The following RIOK3 variants were observed in gnomAD, a reference collection of about 807,000 sequenced individuals.
RIOK3 encodes the protein RIO kinase 3, also known as serine/threonine-protein kinase RIO3.
Under a neutral mutation model 63.5 loss-of-function variants are expected in RIOK3, and 40 were observed. The ratio of observed to expected loss-of-function variants is 0.63; its 90% confidence interval spans 0.49 to 0.82. The LOEUF (loss-of-function observed/expected upper bound fraction) is 0.82, where lower values mean the gene tolerates loss of function less well. Among genes scored for constraint, RIOK3 ranks in the 40% least tolerant of loss-of-function variants. The pLI, the probability that RIOK3 is intolerant of heterozygous loss-of-function variation, is 0.00. For missense variants in RIOK3, 557 were observed against 637.0 expected (o/e 0.87, Z 1.35); for synonymous variants, 193 against 205.0 (o/e 0.94, Z 0.50).
At position 23,477,012 on chromosome 18, in the gene RIOK3, C is replaced by G. The variant is rs560105020; in HGVS notation, c.1180C>G (p.Arg394Gly). ...EAYYQTLHLM[R>G]QLYHECTLVH... ...GTGCCTTCCCTCTTCACAGTTGATG[C>G]GGCAGTTATATCATGAATGTACGCT... is the stretch of plus-strand genomic sequence containing the variant. The change falls in exon 10 of 13, where the codon CGG becomes GGG. Residue 394 changes from arginine to glycine, a missense_variant. By Grantham distance (125) the Arg-to-Gly change is moderately radical (BLOSUM62 -2). Around this residue, in one of 3 missense-constraint regions of RIOK3, gnomAD observed 309 missense variants for 338.7 expected, o/e 0.91. Transcript: ENST00000339486. 6.2e-7 allele frequency: 1 copy of G among 1,612,442 alleles called. No homozygotes were observed. The highest frequency in any genetic ancestry group is 8.5e-7 in the Non-Finnish European group (1 of 1,178,910).
chr18:23,465,133 A>G (rs1294388346), intron 5 of RIOK3, among the ~76,000 whole-genome samples: 5 of 152,200 alleles, frequency 3.3e-5, no homozygotes, highest in African/African-American at 1.2e-4. Context: ...GTATTTTGGG[A>G]TGCCGAGGTG....
chr18:23,473,480 C>T lies in RIOK3; in HGVS notation c.867C>T (p.Ile289=), dbSNP rs780335558. The change falls in exon 8 of 13, where the codon ATC becomes ATT. Residue 289 remains isoleucine, a synonymous_variant. Coordinates refer to ENST00000339486, the MANE Select transcript of RIOK3 (RefSeq NM_003831.5). ...DSKVIPTECA[I]KVFKTTLNEF... ...AAGTTATACCTACAGAATGTGCCAT[C>T]AAGGTATTTAAAACAACCCTTAATG... 15 of 1,611,564 alleles carry T rather than the reference C, an allele frequency of 9.3e-6. No homozygotes were observed. Among genetic ancestry groups the T allele is most frequent in the African/African-American group, 1.3e-5 (1 of 74,792 alleles).
chr18:23,469,342 T>C (rs1466865981), intron 7 of RIOK3, among the ~76,000 whole-genome samples: 2 of 5,834 alleles, frequency 3.4e-4, no homozygotes, highest in African/African-American at 1.0e-3. Flanking sequence ...TCTCTCCCCC[T>C]CTCTCCCCCT....
rs2057478367 is a variant in RIOK3, at chr18:23,474,801, C to G, written c.1014-147C>G. On this transcript the variant is annotated intron_variant, in intron 8 of 12. Transcript: ENST00000339486. ...TCCCTGAGCTCTCTATGGGCAGAGGCTGTGTTTTACTGTCTTTGTATTCCC... is the reference window on the plus strand; with the variant it reads ...TCCCTGAGCTCTCTATGGGCAGAGGGTGTGTTTTACTGTCTTTGTATTCCC... 5.0e-6 allele frequency: 3 copies of G among 603,352 alleles called. No individual in the cohort carries two copies. The African/African-American group carries it at 5.6e-5, about 11-fold the overall frequency. The allele number at this position is 603,352 out of a possible 1,614,324, so 37.4% of individuals were successfully genotyped here. A position where few individuals can be genotyped will look rare whatever the true frequency, so the allele number is the denominator to read the frequency against.
At chr18:23,465,580 G>A (rs905077223) in intron 5 of RIOK3, among the ~76,000 whole-genome samples, 3 of 152,160 alleles carry the variant, frequency 2.0e-5, no homozygotes, top group Admixed American at 2.0e-4. Flanking sequence ...TATGTGTGCT[G>A]TTCAATATGG....
intron 9 of RIOK3, among the ~76,000 whole-genome samples, chr18:23,475,552 C>G (rs1470631242): frequency 6.6e-6 from 1 of 151,730 alleles, no homozygotes; most frequent in East Asian, 1.9e-4. Flanking sequence ...TCACTTGCAC[C>G]CAGGAATTTA....
chr18:23,478,393 C>T (rs1258264309), intron 11 of RIOK3, among the ~76,000 whole-genome samples: 1 of 151,960 alleles, frequency 6.6e-6, no homozygotes, highest in Admixed American at 6.6e-5. Flanking sequence ...CATAGTGAGA[C>T]TCCTATCTCT....
At chr18:23,473,707 C>A in intron 8 of RIOK3, 81 bp downstream of exon 8, 1 of 1,040,820 alleles carries the variant, frequency 9.6e-7, no homozygotes. Context: ...CTTTCTTTTA[C>A]ATTCATTTAT....
intron 9 of RIOK3, among the ~76,000 whole-genome samples, chr18:23,476,281 T>A (rs9967555): frequency 0.32 from 48,192 of 152,022 alleles, 7,970 homozygotes; most frequent in East Asian, 0.38. Flanking sequence ...GAGACAATGC[T>A]CCTAATACTG....
At position 23,467,342 on chromosome 18, in the gene RIOK3, C is replaced by T. The variant is rs375416610; in HGVS notation, c.688-57C>T. 1.5e-4 allele frequency: 240 copies of T among 1,548,486 alleles called. 2 individuals are homozygous for T. In the African/African-American group the frequency reaches 2.7e-3, roughly 17 times the overall value. ...AAAAAAAAAGTTATTAGAAGTGGCTCAGAAAATATTTTGTGATTAGCAGTC... is the reference window on the plus strand; with the variant it reads ...AAAAAAAAAGTTATTAGAAGTGGCTTAGAAAATATTTTGTGATTAGCAGTC... On this transcript the variant is annotated intron_variant, in intron 6 of 12. Transcript: ENST00000339486.
intron 11 of RIOK3, among the ~76,000 whole-genome samples, chr18:23,477,513 C>T (rs993993614): frequency 6.6e-5 from 10 of 152,306 alleles, no homozygotes; most frequent in African/African-American, 2.2e-4. Context: ...CCTGTAATCC[C>T]AGCACTTTGG....
intron 1 of RIOK3, 35 bp from the exon 2 acceptor site, chr18:23,462,929 G>A (rs565592958): frequency 2.2e-6 from 2 of 924,050 alleles, no homozygotes; most frequent in Admixed American, 5.7e-5. Context: ...ATTTCATTAT[G>A]ATGAATTGAG....
chr18:23,453,352 C>A lies in RIOK3; in HGVS notation c.-88C>A. The A allele has an allele frequency of 3.6e-6, 4 of 1,101,436 alleles. No homozygotes were observed. Among genetic ancestry groups the A allele is most frequent in the South Asian group, 1.2e-5 (1 of 80,034 alleles). The allele number at this position is 1,101,436 out of a possible 1,614,324, so 68.2% of individuals were successfully genotyped here. ...CTCCACTCCGGCATCAGCAGCCAGTCGCCCGTGTCCCGCCTGTCTCCTCGG... is the reference window on the plus strand; with the variant it reads ...CTCCACTCCGGCATCAGCAGCCAGTAGCCCGTGTCCCGCCTGTCTCCTCGG... On this transcript the variant is annotated 5_prime_UTR_variant, in exon 1 of 13. Coordinates refer to ENST00000339486, the MANE Select transcript of RIOK3 (RefSeq NM_003831.5).
At chr18:23,458,343 C>T (rs1335457437) in intron 1 of RIOK3, among the ~76,000 whole-genome samples, 1 of 152,048 alleles carries the variant, frequency 6.6e-6, no homozygotes, top group East Asian at 1.9e-4. Flanking sequence ...TGCAGCCAGG[C>T]AGGTGGGGGA....
At chr18:23,465,772 A>G (rs922588725) in intron 5 of RIOK3, among the ~76,000 whole-genome samples, 23 of 152,344 alleles carry the variant, frequency 1.5e-4, no homozygotes, top group Non-Finnish European at 2.5e-4. Flanking sequence ...CCCACTCTCC[A>G]CAAATAATTA....
At chr18:23,467,273 C>T (rs1021430636) in intron 6 of RIOK3, 126 bp from the exon 7 acceptor site, 19 of 682,116 alleles carry the variant, frequency 2.8e-5, no homozygotes, top group Middle Eastern at 4.3e-4. Context: ...GAGATGGTGC[C>T]ATTGTACTCT....
chr18:23,478,486 G>C (rs919548792), intron 11 of RIOK3, among the ~76,000 whole-genome samples: 49 of 151,954 alleles, frequency 3.2e-4, no homozygotes, highest in Middle Eastern at 6.8e-3. Flanking sequence ...GTTTTACTAG[G>C]GAGGCTGAGG....
chr18:23,481,248 A>G lies in RIOK3; in HGVS notation c.1529A>G (p.Asp510Gly). Reference sequence around the variant, plus strand: ...AAAGCTGCTTCATTTTTGAAAGATGATGGAGACCCACCACTACTATATGAT... The same window carrying G: ...AAAGCTGCTTCATTTTTGAAAGATGGTGGAGACCCACCACTACTATATGAT... ...GRKAASFLKDDGDPPLLYDE is the reference protein window; with the variant it reads ...GRKAASFLKDGGDPPLLYDE The change falls in exon 13 of 13, where the codon GAT becomes GGT. Residue 510 changes from aspartate to glycine, a missense_variant. Transcript: ENST00000339486. The G allele has an allele frequency of 3.1e-6, 5 of 1,609,976 alleles. No individual in the cohort carries two copies. Among genetic ancestry groups the G allele is most frequent in the Non-Finnish European group, 4.2e-6 (5 of 1,177,228 alleles).
At position 23,463,041 on chromosome 18, in the gene RIOK3, G is replaced by A; in HGVS notation, c.141G>A (p.Leu47=). ...DVMSEQLAKE[L]QLEEEAAVFP... ...TGAGTGAACAGCTGGCCAAAGAATT[G>A]CAGTTAGAAGAAGAAGCTGCCGTTT... is the stretch of plus-strand genomic sequence containing the variant. The change falls in exon 2 of 13, where the codon TTG becomes TTA. Residue 47 remains leucine, a synonymous_variant. Transcript: ENST00000339486. 1 of 1,609,874 alleles carries A rather than the reference G, an allele frequency of 6.2e-7. No individual in the cohort carries two copies. The highest frequency in any genetic ancestry group is 1.1e-5 in the South Asian group (1 of 90,048).
Sources: allele counts gnomAD v4.1 joint callset (sites outside exome capture counted in the v4.1 genomes callset), GRCh38; gene constraint gnomAD v4.1.1; regional missense constraint gnomAD v4.1.1; transcripts MANE v1.5; gene names NCBI Gene and HGNC (gene_info 2026-07-23, HGNC 2026-07-21).